The following SORT1 variants were observed in gnomAD, a reference collection of about 807,000 sequenced individuals.
The protein encoded by SORT1 is sortilin 1.
A neutral mutation model predicts 101.7 loss-of-function variants in SORT1; 39 were observed. The observed-to-expected ratio is 0.38, with a 90% CI of 0.30 to 0.50. The LOEUF (loss-of-function observed/expected upper bound fraction) is 0.50, where lower values mean the gene tolerates loss of function less well. Among genes scored for constraint, SORT1 ranks in the 20% least tolerant of loss-of-function variants. The pLI is 0.90. For synonymous variants in SORT1, 396 were observed against 393.7 expected (o/e 1.01, Z -0.07); for missense variants, 878 against 1,040.4 (o/e 0.84, Z 2.15).
At chr1:109,356,295 A>G (rs1650320377) in intron 3 of SORT1, among the ~76,000 whole-genome samples, 1 of 152,238 alleles carries the variant, frequency 6.6e-6, no homozygotes, top group Admixed American at 6.5e-5. Context: ...ATAAAGAATT[A>G]CCTGGCCCCA....
chr1:109,397,571 C>A lies in SORT1; in HGVS notation c.306+16G>T, dbSNP rs1431059441. The A allele has an allele frequency of 9.3e-6, 11 of 1,183,566 alleles. No homozygotes were observed. The Admixed American group carries it at 1.3e-4, about 14-fold the overall frequency. The allele number at this position is 1,183,566 out of a possible 1,614,324, so 73.3% of individuals were successfully genotyped here. A position where few individuals can be genotyped will look rare whatever the true frequency, so the allele number is the denominator to read the frequency against. On this transcript the variant is annotated intron_variant, in intron 1 of 19. Coordinates refer to ENST00000256637, the MANE Select transcript of SORT1 (RefSeq NM_002959.7). ...ACCTCGCACCCGAGCGGCTCCCGGG[C>A]CCGGCGCCCGCTCACCTGGTGCGTG...
intron 1 of SORT1, among the ~76,000 whole-genome samples, chr1:109,388,314 G>A (rs937271250): frequency 2.0e-5 from 3 of 151,742 alleles, no homozygotes; most frequent in Non-Finnish European, 2.9e-5. Context: ...CATAGCTCAC[G>A]ACAGCCTCAA....
intron 1 of SORT1, among the ~76,000 whole-genome samples, chr1:109,372,355 C>T (rs553747926): frequency 3.3e-5 from 5 of 152,320 alleles, no homozygotes; most frequent in African/African-American, 4.8e-5. Context: ...CAAGCCCATA[C>T]ATTTCAGCAG....
At chr1:109,317,530 T>C (rs1439740188) in intron 16 of SORT1, among the ~76,000 whole-genome samples, 1 of 152,220 alleles carries the variant, frequency 6.6e-6, no homozygotes, top group Non-Finnish European at 1.5e-5. Flanking sequence ...GATGGGACGC[T>C]TCTGTCATTC....
chr1:109,377,134 A>G (rs887759045), intron 1 of SORT1, among the ~76,000 whole-genome samples: 10 of 152,236 alleles, frequency 6.6e-5, no homozygotes, highest in African/African-American at 1.9e-4. Context: ...TCCTGGTACT[A>G]TAACTATTTA....
chr1:109,336,384 G>C, intron 10 of SORT1, 38 bp from the exon 11 acceptor site: 1 of 1,278,354 alleles, frequency 7.8e-7, no homozygotes, highest in Non-Finnish European at 1.1e-6. Context: ...CTGATACACT[G>C]GAAGTACCTA....
At chr1:109,364,240 C>G (rs1650934067) in intron 3 of SORT1, among the ~76,000 whole-genome samples, 1 of 152,082 alleles carries the variant, frequency 6.6e-6, no homozygotes, top group Admixed American at 6.5e-5. Context: ...AAGGCTGAGT[C>G]TGATGGTGGT....
At chr1:109,316,064 T>C (rs1254590839) in intron 17 of SORT1, among the ~76,000 whole-genome samples, 1 of 151,870 alleles carries the variant, frequency 6.6e-6, no homozygotes, top group Non-Finnish European at 1.5e-5. Context: ...GCCCGACAGG[T>C]AACTTGCTTC....
chr1:109,349,055 A>G (rs1649796216), intron 6 of SORT1, among the ~76,000 whole-genome samples: 1 of 152,176 alleles, frequency 6.6e-6, no homozygotes, highest in African/African-American at 2.4e-5. Context: ...TATCTTAAAA[A>G]TTACTTCCAC....
In SORT1 at chr1:109,314,681, C is replaced by T. The variant is rs1471569908; in HGVS notation, c.2348G>A (p.Cys783Tyr). ...AGVLIVKKYV[C>Y]GGRFLVHRYS... The stretch of plus-strand genomic sequence containing the variant: ...CTTCTGTGTTCCTTACCTTCCCCCA[C>T]AGACATATTTCTTCACAATGAGCAC... The change falls in exon 18 of 20, where the codon TGT (cysteine) becomes TAT (tyrosine). Residue 783 changes from cysteine to tyrosine, a missense_variant. Transcript: ENST00000256637. The T allele has an allele frequency of 6.3e-7, 1 of 1,594,336 alleles. No homozygotes were observed. The highest frequency in any genetic ancestry group is 1.7e-5 in the Admixed American group (1 of 59,984).
chr1:109,397,462 G>T, intron 1 of SORT1, 125 bp downstream of exon 1: 1 of 633,618 alleles, frequency 1.6e-6, no homozygotes, highest in Non-Finnish European at 2.0e-6. Flanking sequence ...TCGGGGCTGC[G>T]GCCCGGGGGA....
intron 3 of SORT1, among the ~76,000 whole-genome samples, chr1:109,363,188 T>C (rs1452216311): frequency 6.6e-6 from 1 of 152,196 alleles, no homozygotes; most frequent in Non-Finnish European, 1.5e-5. Context: ...AATGCCTACA[T>C]TTGCTTCACT....
rs1307437342 is a variant in SORT1, at chr1:109,345,769, G to T, written c.945C>A (p.Ala315=). The T allele has an allele frequency of 3.1e-6, 5 of 1,613,542 alleles. No homozygotes were observed. The South Asian group carries it at 5.5e-5, about 18-fold the overall frequency. Residue 315 remains alanine, a synonymous_variant, in exon 8 of 20, where the codon GCC becomes GCA. Coordinates refer to ENST00000256637, the MANE Select transcript of SORT1 (RefSeq NM_002959.7). Reference sequence around the variant, plus strand: ...TACCTACCTTATCAGCCATCACAGAGGCAAAAAGGAAACGTCCCCCAAGAC... The same window carrying T: ...TACCTACCTTATCAGCCATCACAGATGCAAAAAGGAAACGTCCCCCAAGAC... ...SFGLGGRFLF[A]SVMADKDTTR...
In SORT1 at chr1:109,355,487, A is replaced by G; in HGVS notation, c.441-18T>C. The G allele has an allele frequency of 7.8e-7, 1 of 1,274,878 alleles. No homozygotes were observed. Among genetic ancestry groups the G allele is most frequent in the Non-Finnish European group, 1.1e-6 (1 of 871,194 alleles). The allele number at this position is 1,274,878 out of a possible 1,614,324, so 79.0% of individuals were successfully genotyped here. On this transcript the variant is annotated intron_variant, in intron 3 of 19. Transcript: ENST00000256637. The stretch of plus-strand genomic sequence containing the variant: ...AATCCTCACTGAGAGGAAGAAAAAA[A>G]GGGCAAATTTAGGGTGCAGTGGTCA...
At chr1:109,356,586 T>C (rs1570945155) in intron 3 of SORT1, among the ~76,000 whole-genome samples, 1 of 152,308 alleles carries the variant, frequency 6.6e-6, no homozygotes, top group South Asian at 2.1e-4. Context: ...TCCACAGTAG[T>C]TATGAAAAAG....
intron 3 of SORT1, among the ~76,000 whole-genome samples, chr1:109,363,901 G>A (rs529581931): frequency 3.9e-5 from 6 of 152,260 alleles, no homozygotes; most frequent in Middle Eastern, 3.4e-3. Flanking sequence ...CTCTTGGTTG[G>A]CATGTTTGAC....
At chr1:109,342,622 T>C (rs956612299) in intron 8 of SORT1, among the ~76,000 whole-genome samples, 2 of 152,142 alleles carry the variant, frequency 1.3e-5, no homozygotes, top group Non-Finnish European at 2.9e-5. Context: ...AAAATAGAGA[T>C]GAAACCCATG....
At chr1:109,375,411 C>T (rs1570972180) in intron 1 of SORT1, among the ~76,000 whole-genome samples, 2 of 151,812 alleles carry the variant, frequency 1.3e-5, no homozygotes, top group Admixed American at 6.6e-5. Flanking sequence ...GGCGAGGTGG[C>T]GGGCGCCTGT....
intron 1 of SORT1, among the ~76,000 whole-genome samples, chr1:109,390,979 A>G (rs1188120352): frequency 6.6e-6 from 1 of 152,182 alleles, no homozygotes; most frequent in Non-Finnish European, 1.5e-5. Context: ...TAAGCTGACC[A>G]TCTATTTTCA....
Sources: allele counts gnomAD v4.1 joint callset (sites outside exome capture counted in the v4.1 genomes callset), GRCh38; gene constraint gnomAD v4.1.1; transcripts MANE v1.5; gene names NCBI Gene and HGNC (gene_info 2026-07-23, HGNC 2026-07-21).